AGR2: variants seen among roughly 807,000 people sequenced by gnomAD.
The protein encoded by AGR2 is anterior gradient 2, protein disulphide isomerase family member, also known as anterior gradient protein 2 homolog.
In AGR2, 27 loss-of-function variants were observed where a neutral mutation model predicts 25.9. The observed-to-expected ratio is 1.04, with a 90% CI of 0.77 to 1.44. The LOEUF (loss-of-function observed/expected upper bound fraction) is 1.44, where lower values mean the gene tolerates loss of function less well. Ranked by LOEUF, AGR2 falls within the 40% of genes most tolerant of loss-of-function variation. The probability of loss-of-function intolerance (pLI) is 0.00; values close to 1 mark genes in which losing one functional copy is unlikely to be tolerated. For missense variants in AGR2, 182 were observed against 200.9 expected (o/e 0.91, Z 0.57); for synonymous variants, 78 against 72.0 (o/e 1.08, Z -0.42).
intron 7 of AGR2, among the ~76,000 whole-genome samples, chr7:16,794,004 A>T (rs1011404714): frequency 2.6e-5 from 4 of 152,234 alleles, no homozygotes; most frequent in Non-Finnish European, 4.4e-5. Context: ...GTATTATCTC[A>T]GTAATGGCTG....
chr7:16,796,271 T>C (rs1785044328), intron 6 of AGR2, among the ~76,000 whole-genome samples: 1 of 152,180 alleles, frequency 6.6e-6, no homozygotes, highest in African/African-American at 2.4e-5. Context: ...AAAATGCCCT[T>C]CCACAGGGAT....
At chr7:16,800,079 G>T (rs923196799) in intron 4 of AGR2, among the ~76,000 whole-genome samples, 1 of 151,970 alleles carries the variant, frequency 6.6e-6, no homozygotes, top group African/African-American at 2.4e-5. Context: ...CATGTGTTAC[G>T]CACTGTGTTC....
At chr7:16,793,888 CT>C (rs1348130686) in intron 7 of AGR2, among the ~76,000 whole-genome samples, 1 of 152,242 alleles carries the variant, frequency 6.6e-6, no homozygotes, top group African/African-American at 2.4e-5. Context: ...CGCTTATTCA[CT>C]CTTCCTACAA....
intron 1 of AGR2, among the ~76,000 whole-genome samples, chr7:16,804,568 G>A (rs1475588476): frequency 2.6e-5 from 4 of 152,204 alleles, no homozygotes; most frequent in Non-Finnish European, 4.4e-5. Flanking sequence ...TAGTGGAGAA[G>A]CCTATGGGGC....
At chr7:16,799,121 A>C (rs1785096931) in intron 5 of AGR2, among the ~76,000 whole-genome samples, 1 of 152,142 alleles carries the variant, frequency 6.6e-6, no homozygotes, top group Non-Finnish European at 1.5e-5. Context: ...GAGCCCATGG[A>C]AGAGAGGCAA....
intron 6 of AGR2, among the ~76,000 whole-genome samples, chr7:16,795,666 A>C (rs1045972128): frequency 6.6e-6 from 1 of 152,202 alleles, no homozygotes; most frequent in African/African-American, 2.4e-5. Flanking sequence ...AATTAATGAG[A>C]AAAAGAGGTA....
In AGR2 at chr7:16,804,040, G is replaced by T. The variant is rs181871802; in HGVS notation, c.-8+895C>A. Among the ~76,000 whole-genome samples the T allele has an allele frequency of 2.6e-3, 390 of 152,212 alleles. 1 individual carries two copies. Among genetic ancestry groups the T allele is most frequent in the Admixed American group, 4.8e-3 (74 of 15,290 alleles). On this transcript the variant is annotated intron_variant, in intron 1 of 7. Coordinates refer to ENST00000419304, the MANE Select transcript of AGR2 (RefSeq NM_006408.4). The stretch of plus-strand genomic sequence containing the variant: ...CTTGCAGTATCTCCAAAGATCACAG[G>T]TTGGAACTATTGATATATTGCTTGT...
Position 16,797,701 on chromosome 7 carries a change from TAAAAA to T in AGR2, c.331-12_331-8del. 1 of 1,611,990 alleles carries T rather than the reference TAAAAA, an allele frequency of 6.2e-7. No individual in the cohort carries two copies. The highest frequency in any genetic ancestry group is 8.5e-7 in the Non-Finnish European group (1 of 1,178,738). On this transcript the variant is annotated splice_polypyrimidine_tract_variant and splice_region_variant and intron_variant, in intron 5 of 7. Transcript: ENST00000419304. Reference sequence around the variant, plus strand: ...GTTTGTCAGTTGTTTCATACTAAAATAAAAAGAAAAGCATCTTTTAGTTTACTTTG... The same window carrying T: ...GTTTGTCAGTTGTTTCATACTAAAATGAAAAGCATCTTTTAGTTTACTTTG...
chr7:16,804,780 G>A (rs1224404110), intron 1 of AGR2, among the ~76,000 whole-genome samples, 155 bp downstream of exon 1: 1 of 152,156 alleles, frequency 6.6e-6, no homozygotes, highest in South Asian at 2.1e-4. Context: ...TAAGACTTTT[G>A]TGGAAATTCC....
At chr7:16,798,383 T>A (rs1352089126) in intron 5 of AGR2, among the ~76,000 whole-genome samples, 1 of 152,128 alleles carries the variant, frequency 6.6e-6, no homozygotes, top group African/African-American at 2.4e-5. Flanking sequence ...GAGCATTTTC[T>A]CCTATGGCCA....
At chr7:16,801,233 A>G in intron 3 of AGR2, 30 bp from the exon 4 acceptor site, 1 of 1,612,130 alleles carries the variant, frequency 6.2e-7, no homozygotes, top group Non-Finnish European at 8.5e-7. Flanking sequence ...GACAAATTTT[A>G]ATGAGTAAGA....
At chr7:16,801,480 C>G (rs1486174212) in intron 2 of AGR2, 97 bp from the exon 3 acceptor site, 6 of 1,345,256 alleles carry the variant, frequency 4.5e-6, no homozygotes, top group Non-Finnish European at 6.3e-6. Flanking sequence ...AGACCCTATA[C>G]TAAAGAAGAA....
intron 2 of AGR2, 40 bp from the exon 3 acceptor site, chr7:16,801,423 A>G (rs763055408): frequency 6.3e-7 from 1 of 1,582,184 alleles, no homozygotes; most frequent in South Asian, 1.1e-5. Context: ...GCTTGTATAA[A>G]TTCAGACCCA....
In AGR2 at chr7:16,799,512, C is replaced by T. The variant is rs183300778; in HGVS notation, c.330+232G>A. On this transcript the variant is annotated intron_variant, in intron 5 of 7. Coordinates refer to ENST00000419304, the MANE Select transcript of AGR2 (RefSeq NM_006408.4). ...CCAGCAACAGAAAAAATTCTGACTA[C>T]GGGAGATAATTTTTCAGACAAACTA... 3.9e-3 allele frequency: 1,761 copies of T among 454,264 alleles called. 8 individuals are homozygous for T. Among genetic ancestry groups the T allele is most frequent in the South Asian group, 6.9e-3 (180 of 26,084 alleles). 28.1% of individuals were successfully genotyped at this position (454,264 alleles called of 1,614,324 possible).
In AGR2 at chr7:16,801,147, T is replaced by C; in HGVS notation, c.256+4A>G. On this transcript the variant is annotated splice_donor_region_variant and intron_variant, in intron 4 of 7. Coordinates refer to ENST00000419304, the MANE Select transcript of AGR2 (RefSeq NM_006408.4). ...AGGAAATCATACTTAGAAGAATAAATTACCTTGACTGTGTGGGCACTCATC... is the reference window on the plus strand; with the variant it reads ...AGGAAATCATACTTAGAAGAATAAACTACCTTGACTGTGTGGGCACTCATC... 1 of 1,612,670 alleles carries C rather than the reference T, an allele frequency of 6.2e-7. No individual in the cohort carries two copies. Among genetic ancestry groups the C allele is most frequent in the Non-Finnish European group, 8.5e-7 (1 of 1,179,060 alleles).
At chr7:16,799,048 G>T (rs1785095638) in intron 5 of AGR2, among the ~76,000 whole-genome samples, 1 of 152,120 alleles carries the variant, frequency 6.6e-6, no homozygotes, top group South Asian at 2.1e-4. Context: ...TATGGAAAGA[G>T]AAAAGGGTCA....
intron 6 of AGR2, among the ~76,000 whole-genome samples, chr7:16,795,386 T>A (rs953477818): frequency 6.6e-6 from 1 of 151,816 alleles, no homozygotes; most frequent in Non-Finnish European, 1.5e-5. Flanking sequence ...CTTGAAACGA[T>A]TATGTTGTAG....
chr7:16,800,275 T>A (rs1030117948), intron 4 of AGR2, among the ~76,000 whole-genome samples: 4 of 152,246 alleles, frequency 2.6e-5, no homozygotes, highest in Admixed American at 6.5e-5. Flanking sequence ...AGGGCAGATC[T>A]TCCTGAGGAG....
chr7:16,802,042 A>G (rs905745375), intron 1 of AGR2, among the ~76,000 whole-genome samples: 20 of 151,828 alleles, frequency 1.3e-4, no homozygotes, highest in African/African-American at 4.8e-4. Flanking sequence ...ATTGCAAGTC[A>G]AAATGCATCC....
Sources: gnomAD v4.1 joint callset for allele counts (sites outside exome capture counted in the v4.1 genomes callset) on GRCh38, gnomAD v4.1.1 for gene constraint, MANE v1.5 for transcripts, NCBI Gene and HGNC (gene_info 2026-07-23, HGNC 2026-07-21) for gene names.